Variants in SND1 observed in about 807,000 individuals in gnomAD.
SND1 encodes the protein staphylococcal nuclease and tudor domain containing 1.
A neutral mutation model predicts 121.7 loss-of-function variants in SND1; 38 were observed. The observed-to-expected ratio is 0.31, with a 90% CI of 0.24 to 0.41. SND1 has a LOEUF of 0.41. Ranked by LOEUF, SND1 falls within the 10% of genes least tolerant of loss-of-function variation. The pLI, the probability that SND1 is intolerant of heterozygous loss-of-function variation, is 1.00. For missense variants in SND1, 868 were observed against 1,184.6 expected (o/e 0.73, Z 3.92); for synonymous variants, 401 against 447.4 (o/e 0.90, Z 1.31).
intron 15 of SND1, among the ~76,000 whole-genome samples, chr7:127,951,178 T>C (rs1486404577): frequency 3.3e-5 from 5 of 152,102 alleles, no homozygotes; most frequent in African/African-American, 2.4e-5. Flanking sequence ...TAAATGGCCA[T>C]CTAGGAACCA....
intron 1 of SND1, among the ~76,000 whole-genome samples, chr7:127,684,113 C>G (rs2116299123): frequency 6.6e-6 from 1 of 152,316 alleles, no homozygotes; most frequent in Non-Finnish European, 1.5e-5. Flanking sequence ...CTCTTCTCAT[C>G]AGTCCCTCTG....
intron 10 of SND1, among the ~76,000 whole-genome samples, chr7:127,761,791 A>G (rs969600883): frequency 7.2e-5 from 11 of 152,054 alleles, no homozygotes; most frequent in Non-Finnish European, 1.2e-4. Flanking sequence ...TAAAGTTACC[A>G]TTTTTTAGTT....
chr7:127,699,063 G>A (rs542534337), intron 4 of SND1, 110 bp downstream of exon 4: 388 of 789,192 alleles, frequency 4.9e-4, no homozygotes, highest in Non-Finnish European at 6.7e-4. Context: ...ACACCTTCGC[G>A]GACATTCTTG....
At chr7:127,832,069 G>T (rs973575986) in intron 11 of SND1, among the ~76,000 whole-genome samples, 2 of 152,108 alleles carry the variant, frequency 1.3e-5, no homozygotes, top group Admixed American at 6.5e-5. Context: ...TAGCTCCCAC[G>T]TGTTCTCAGC....
rs147747107 is a variant in SND1 at position 128,001,726 on chromosome 7, G to C, written c.1779+10670G>C. ...GTGGGCCGATTACCTGAGATCGGGA[G>C]TTCAAGACCAACCTGACCAACATGG... On this transcript the variant is annotated intron_variant, in intron 16 of 23. Transcript: ENST00000354725. Among the ~76,000 whole-genome samples, 766 of 152,334 alleles carry C rather than the reference G, an allele frequency of 5.0e-3. 5 individuals carry two copies. The highest frequency in any genetic ancestry group is 0.018 in the African/African-American group (738 of 41,580).
chr7:127,767,082 G>A lies in SND1; in HGVS notation c.1153-40402G>A, dbSNP rs1797436144. 1.3e-5 allele frequency among the ~76,000 whole-genome samples: 2 copies of A among 151,898 alleles called. 1 individual carries two copies. Among genetic ancestry groups the A allele is most frequent in the Non-Finnish European group, 2.9e-5 (2 of 67,994 alleles). On this transcript the variant is annotated intron_variant, in intron 10 of 23. Coordinates refer to ENST00000354725, the MANE Select transcript of SND1 (RefSeq NM_014390.4). Reference sequence around the variant, plus strand: ...GAGAGATATATCTAGGGTACAAAGTGGCTAGCTTGCAAAACTTAATCGTCA... The same window carrying A: ...GAGAGATATATCTAGGGTACAAAGTAGCTAGCTTGCAAAACTTAATCGTCA...
chr7:127,839,318 T>C (rs1393719803), intron 11 of SND1, among the ~76,000 whole-genome samples: 3 of 152,156 alleles, frequency 2.0e-5, no homozygotes, highest in Non-Finnish European at 2.9e-5. Flanking sequence ...TGAGTGGCTA[T>C]GTGGAATAGT....
At position 127,916,090 on chromosome 7, in the gene SND1, A is replaced by G. The variant is rs1563057087; in HGVS notation, c.1527+11271A>G. Among the ~76,000 whole-genome samples, 5 of 151,956 alleles carry G rather than the reference A, an allele frequency of 3.3e-5. No individual in the cohort carries two copies. The South Asian group carries it at 8.3e-4, about 25-fold the overall frequency. On this transcript the variant is annotated intron_variant, in intron 14 of 23. Coordinates refer to ENST00000354725, the MANE Select transcript of SND1 (RefSeq NM_014390.4). ...GAGAGAGAGAGAGTTAGCTAGGTAT[A>G]TATCTATTAATTTTTCTTTTTTTCC...
At chr7:127,902,627 C>T (rs911912099) in intron 13 of SND1, among the ~76,000 whole-genome samples, 3 of 152,188 alleles carry the variant, frequency 2.0e-5, no homozygotes, top group African/African-American at 7.2e-5. Flanking sequence ...GCTTGAGAAT[C>T]GCCTTGGTTG....
At chr7:127,953,051 C>CT (rs1489617642) in intron 15 of SND1, among the ~76,000 whole-genome samples, 1 of 151,866 alleles carries the variant, frequency 6.6e-6, no homozygotes, top group African/African-American at 2.4e-5. Flanking sequence ...GTAGTACCAG[C>CT]TACTTGGGAG....
intron 10 of SND1, among the ~76,000 whole-genome samples, chr7:127,732,395 G>C (rs949932472): frequency 6.6e-6 from 1 of 152,164 alleles, no homozygotes; most frequent in South Asian, 2.1e-4. Context: ...CAATTTGGTC[G>C]TTCTATTAGT....
chr7:127,836,700 A>T (rs1798874522), intron 11 of SND1, among the ~76,000 whole-genome samples: 1 of 152,192 alleles, frequency 6.6e-6, no homozygotes. Flanking sequence ...CAGAAGCCTT[A>T]ATTATTAACT....
intron 16 of SND1, chr7:128,028,818 T>G (rs754214662): frequency 1.2e-6 from 2 of 1,614,092 alleles, no homozygotes; most frequent in South Asian, 1.1e-5. Flanking sequence ...TTTGTAGGTG[T>G]TGTAGTTAAT....
chr7:128,086,864 C>G lies in SND1; in HGVS notation c.2305-74C>G, dbSNP rs527853903. ...GAGTTAGCATTCCCAGAGGCCTGGC[C>G]ACAGAGAGCTGTCCTGTGAGAGAGC... On this transcript the variant is annotated intron_variant, in intron 20 of 23. Coordinates refer to ENST00000354725, the MANE Select transcript of SND1 (RefSeq NM_014390.4). 564 of 1,239,614 alleles carry G rather than the reference C, an allele frequency of 4.5e-4. 3 individuals are homozygous for G. In the African/African-American group the frequency reaches 7.7e-3, roughly 17 times the overall value. The allele number at this position is 1,239,614 out of a possible 1,614,324, so 76.8% of individuals were successfully genotyped here.
intron 12 of SND1, among the ~76,000 whole-genome samples, chr7:127,886,990 C>T (rs1008741568): frequency 7.9e-5 from 12 of 151,760 alleles, no homozygotes; most frequent in Non-Finnish European, 1.2e-4. Flanking sequence ...TTCTTTGTTC[C>T]CCATCTTGAT....
At chr7:127,896,305 T>C (rs1800118574) in intron 13 of SND1, among the ~76,000 whole-genome samples, 1 of 152,236 alleles carries the variant, frequency 6.6e-6, no homozygotes, top group Middle Eastern at 3.4e-3. Context: ...ATTTGATATG[T>C]TGGGAGGTTC....
At chr7:127,810,257 G>T (rs763510710) in intron 11 of SND1, among the ~76,000 whole-genome samples, 3 of 152,134 alleles carry the variant, frequency 2.0e-5, no homozygotes, top group African/African-American at 7.2e-5. Flanking sequence ...AATTAGATGT[G>T]CATGAGGGCT....
At chr7:128,064,777 G>C (rs1454358755) in intron 16 of SND1, among the ~76,000 whole-genome samples, 1 of 152,168 alleles carries the variant, frequency 6.6e-6, no homozygotes, top group Non-Finnish European at 1.5e-5. Flanking sequence ...ATTCACAATT[G>C]CTACTAAGAA....
Position 128,015,223 on chromosome 7 carries a change from C to T in SND1, c.1779+24167C>T, listed in dbSNP as rs554687800. Among the ~76,000 whole-genome samples, 35 of 152,340 alleles carry T rather than the reference C, an allele frequency of 2.3e-4. No individual in the cohort carries two copies. In the South Asian group the frequency reaches 7.0e-3, roughly 31 times the overall value. The stretch of plus-strand genomic sequence containing the variant: ...CTTTCCCAAGATGAAGGGGCTGGGT[C>T]AGGCCTTGCCCGCAGGTCAACGTGG... On this transcript the variant is annotated intron_variant, in intron 16 of 23. Transcript: ENST00000354725. The surrounding 1 kb of genome is among the most constrained non-coding windows in gnomAD (Gnocchi z 4.5).
Sources: gnomAD v4.1 joint callset for allele counts (sites outside exome capture counted in the v4.1 genomes callset) on GRCh38, gnomAD v4.1.1 for gene constraint, Gnocchi (gnomAD v3.1) non-coding constraint, MANE v1.5 for transcripts, NCBI Gene and HGNC (gene_info 2026-07-23, HGNC 2026-07-21) for gene names.